The following DSC1 variants were observed in gnomAD, a reference collection of about 807,000 sequenced individuals.
The protein encoded by DSC1 is desmocollin-1.
DSC1 carries 79 observed loss-of-function variants against 98.8 expected under a neutral mutation model. The observed-to-expected ratio is 0.80, with a 90% CI of 0.67 to 0.96. DSC1 has a LOEUF of 0.96. DSC1 is among the 50% of genes least tolerant of loss of function. DSC1 has a pLI of 0.00. For synonymous variants in DSC1, 405 were observed against 372.1 expected, an observed-to-expected ratio of 1.09 and a Z score of -1.02; for missense variants, 1,115 against 1,075.9, an observed-to-expected ratio of 1.04 and a Z score of -0.51.
rs1400685852 is a variant in DSC1 at position 31,131,638 on chromosome 18, C to A, written c.2443G>T (p.Ala815Ser). Residue 815 changes from alanine (A) to serine (S), a missense_variant, in exon 15 of 16, where the codon GCG becomes TCG. Coordinates refer to ENST00000257198, the MANE Select transcript of DSC1 (RefSeq NM_024421.2). ...GVGQGDTGRY[A>S]YTDWQSFTQP... Reference sequence around the variant, plus strand: ...GTGAAACTCTGCCAGTCCGTGTACGCATATCTGCCAGTATCTCCCTGCCCC... The same window carrying A: ...GTGAAACTCTGCCAGTCCGTGTACGAATATCTGCCAGTATCTCCCTGCCCC... The A allele has an allele frequency of 6.2e-7, 1 of 1,614,094 alleles. No individual in the cohort carries two copies. Among genetic ancestry groups the A allele is most frequent in the South Asian group, 1.1e-5 (1 of 91,076 alleles).
chr18:31,154,712 T>G, intron 5 of DSC1, 62 bp downstream of exon 5: 1 of 1,367,836 alleles, frequency 7.3e-7, no homozygotes, highest in African/African-American at 1.5e-5. Flanking sequence ...CAAGCATAGT[T>G]GAAAATATTA....
intron 15 of DSC1, 71 bp from the exon 16 acceptor site, chr18:31,130,782 C>CT (rs776881778): frequency 3.7e-6 from 6 of 1,611,654 alleles, no homozygotes; most frequent in Non-Finnish European, 5.1e-6. Flanking sequence ...AAAATGATGT[C>CT]TTTGATTTAC....
chr18:31,131,922 C>G, intron 14 of DSC1, 80 bp from the exon 15 acceptor site: 1 of 1,496,136 alleles, frequency 6.7e-7, no homozygotes, highest in East Asian at 2.4e-5. Flanking sequence ...TCACCATAGG[C>G]AAATCACTTG....
rs764952717 is a variant in DSC1 at position 31,132,705 on chromosome 18, GATCAAAGTAAAACACAGA to G, written c.2117-34_2117-17del. On this transcript the variant is annotated splice_polypyrimidine_tract_variant and intron_variant, in intron 13 of 15. Coordinates refer to ENST00000257198, the MANE Select transcript of DSC1 (RefSeq NM_024421.2). Reference sequence around the variant, plus strand: ...AACAGAATACCTAAAAAGCAAAAAAGATCAAAGTAAAACACAGACATTAAATCATTTGATTACATGATT... The same window carrying G: ...AACAGAATACCTAAAAAGCAAAAAAGCATTAAATCATTTGATTACATGATT... 6.2e-7 allele frequency: 1 copy of G among 1,604,494 alleles called. No individual in the cohort carries two copies. The highest frequency in any genetic ancestry group is 8.5e-7 in the Non-Finnish European group (1 of 1,175,368).
At position 31,143,318 on chromosome 18, in the gene DSC1, C is replaced by T. The variant is rs561814415; in HGVS notation, c.1074+339G>A. ...GGACACCAGAGAGAGAGCCTCTCCT[C>T]CTTCACCCTACATAAAGATTTAATG... On this transcript the variant is annotated intron_variant, in intron 8 of 15. Transcript: ENST00000257198. Among the ~76,000 whole-genome samples the T allele has an allele frequency of 5.9e-5, 9 of 151,668 alleles. No homozygotes were observed. In the South Asian group the frequency reaches 8.3e-4, roughly 14 times the overall value.
Position 31,141,917 on chromosome 18 carries a change from T to C in DSC1, c.1260+82A>G, listed in dbSNP as rs182327934. On this transcript the variant is annotated intron_variant, in intron 9 of 15. Coordinates refer to ENST00000257198, the MANE Select transcript of DSC1 (RefSeq NM_024421.2). ...GCCTTGCACTGCAGTAGTCTAGTCA[T>C]ATACATATAAGAATTATCTCTTAAA... 83 of 1,380,348 alleles carry C rather than the reference T, an allele frequency of 6.0e-5. No homozygotes were observed. In the African/African-American group the frequency reaches 1.0e-3, roughly 17 times the overall value. The allele number at this position is 1,380,348 out of a possible 1,614,324, so 85.5% of individuals were successfully genotyped here. A position where few individuals can be genotyped will look rare whatever the true frequency, so the allele number is the denominator to read the frequency against.
rs1041518862 is a variant in DSC1, at chr18:31,131,621, C to T, written c.2460G>A (p.Gln820=). 3 of 1,614,102 alleles carry T rather than the reference C, an allele frequency of 1.9e-6. No homozygotes were observed. The highest frequency in any genetic ancestry group is 2.5e-6 in the Non-Finnish European group (3 of 1,179,974). The change falls in exon 15 of 16, where the codon CAG becomes CAA. Residue 820 remains glutamine (Q), a synonymous_variant. Transcript: ENST00000257198. ...DTGRYAYTDW[Q]SFTQPRLGEK... ...CGCCAAGCCGAGGTTGGGTGAAACT[C>T]TGCCAGTCCGTGTACGCATATCTGC...
At chr18:31,136,410 T>C (rs1988610519) in intron 11 of DSC1, among the ~76,000 whole-genome samples, 1 of 152,172 alleles carries the variant, frequency 6.6e-6, no homozygotes, top group South Asian at 2.1e-4. Flanking sequence ...GTGGTAATTA[T>C]AGTAACGCAA....
At chr18:31,138,549 T>C (rs1414163972) in intron 11 of DSC1, among the ~76,000 whole-genome samples, 1 of 151,968 alleles carries the variant, frequency 6.6e-6, no homozygotes, top group Non-Finnish European at 1.5e-5. Context: ...AAACATAAAG[T>C]CTTCTTTGCC....
chr18:31,148,665 C>A, intron 5 of DSC1, 23 bp from the exon 6 acceptor site: 8 of 1,540,462 alleles, frequency 5.2e-6, no homozygotes, highest in Non-Finnish European at 7.1e-6. Flanking sequence ...AAAATACCAT[C>A]AATGTATTCT....
intron 2 of DSC1, 101 bp downstream of exon 2, chr18:31,159,344 C>T (rs1729257347): frequency 8.4e-6 from 10 of 1,195,342 alleles, no homozygotes; most frequent in Admixed American, 2.1e-5. Flanking sequence ...TGAGCCACCG[C>T]GCCCGGCCTA....
Position 31,133,980 on chromosome 18 carries a change from T to C in DSC1, c.2027A>G (p.Lys676Arg). The stretch of plus-strand genomic sequence containing the variant: ...TCTAACGTCTCTTGTACTTTTATCC[T>C]TCATTCTACACTCAGATGGAGTTGA... ...DCSTPSECRM[K>R]DKSTRDVRPN... Residue 676 changes from lysine (K) to arginine (R), a missense_variant, in exon 13 of 16, where the codon AAG becomes AGG. Lys to Arg is a conservative substitution (Grantham distance 26). Transcript: ENST00000257198. 6.2e-7 allele frequency: 1 copy of C among 1,613,442 alleles called. No homozygotes were observed. Among genetic ancestry groups the C allele is most frequent in the Middle Eastern group, 1.7e-4 (1 of 6,058 alleles).
chr18:31,152,445 T>C (rs568788130), intron 5 of DSC1, among the ~76,000 whole-genome samples: 2 of 152,198 alleles, frequency 1.3e-5, no homozygotes, highest in Non-Finnish European at 2.9e-5. Flanking sequence ...AATAATCTAT[T>C]ATTAATACTT....
chr18:31,158,196 G>C lies in DSC1; in HGVS notation c.149-623C>G, dbSNP rs1377767140. Among the ~76,000 whole-genome samples the C allele has an allele frequency of 2.0e-5, 3 of 152,124 alleles. No homozygotes were observed. The East Asian group carries it at 5.8e-4, about 29-fold the overall frequency. On this transcript the variant is annotated intron_variant, in intron 2 of 15. Coordinates refer to ENST00000257198, the MANE Select transcript of DSC1 (RefSeq NM_024421.2). ...TCAGGAGAATTGCTTGAACCTGGGA[G>C]GTGAAGGTTGCAGTGAGCAGAGATA...
intron 5 of DSC1, among the ~76,000 whole-genome samples, chr18:31,152,177 A>AT (rs1273083931): frequency 2.0e-5 from 3 of 151,982 alleles, no homozygotes; most frequent in Admixed American, 2.0e-4. Flanking sequence ...AACAACAAAA[A>AT]AAAACAAGAT....
intron 9 of DSC1, among the ~76,000 whole-genome samples, chr18:31,140,503 C>T (rs574501867): frequency 1.3e-5 from 2 of 152,192 alleles, no homozygotes; most frequent in Admixed American, 6.5e-5. Context: ...CAGATTCAAC[C>T]CATTTTTCTT....
At position 31,132,592 on chromosome 18, in the gene DSC1, A is replaced by G. The variant is rs989232245; in HGVS notation, c.2214T>C (p.Thr738=). 6.2e-7 allele frequency: 1 copy of G among 1,613,508 alleles called. No individual in the cohort carries two copies. The highest frequency in any genetic ancestry group is 8.5e-7 in the Non-Finnish European group (1 of 1,179,614). ...IAQQNLIVSN[T]EGPGEEVTEA... is the part of the protein sequence containing the mutation. The stretch of plus-strand genomic sequence containing the variant: ...CCGTTACTTCTTCTCCAGGTCCTTC[A>G]GTATTTGATACAATTAAATTTTGCT... Residue 738 remains threonine (T), a synonymous_variant, in exon 14 of 16, where the codon ACT becomes ACC. Transcript: ENST00000257198.
intron 14 of DSC1, 142 bp from the exon 15 acceptor site, chr18:31,131,984 AG>A (rs1178499025): frequency 1.0e-6 from 1 of 980,052 alleles, no homozygotes; most frequent in African/African-American, 1.6e-5. Flanking sequence ...ATAGTATCAT[AG>A]GTGTGATGGG....
At chr18:31,158,647 C>T (rs1011643637) in intron 2 of DSC1, among the ~76,000 whole-genome samples, 1 of 152,018 alleles carries the variant, frequency 6.6e-6, no homozygotes, top group African/African-American at 2.4e-5. Context: ...GGTACTAAGA[C>T]CCACCAAAAC....
Sources: gnomAD v4.1 joint callset for allele counts (sites outside exome capture counted in the v4.1 genomes callset) on GRCh38, gnomAD v4.1.1 for gene constraint, MANE v1.5 for transcripts, NCBI Gene and HGNC (gene_info 2026-07-23, HGNC 2026-07-21) for gene names.